SLC10A7: variants seen among roughly 807,000 people sequenced by gnomAD.
SLC10A7 encodes solute carrier family 10 member 7, also known as sodium/bile acid cotransporter 7.
A neutral mutation model predicts 43.2 loss-of-function variants in SLC10A7; 29 were observed. That is an observed-to-expected ratio of 0.67 (90% CI 0.50 to 0.92). The LOEUF is 0.92. Among genes scored for constraint, SLC10A7 ranks in the 40% least tolerant of loss-of-function variants. The pLI, the probability that SLC10A7 is intolerant of heterozygous loss-of-function variation, is 0.00. For missense variants in SLC10A7, 295 were observed against 403.2 expected (o/e 0.73, Z 2.30); for synonymous variants, 152 against 144.8 (o/e 1.05, Z -0.35).
chr4:146,469,649 T>C (rs1252250489), intron 4 of SLC10A7, among the ~76,000 whole-genome samples: 1 of 152,126 alleles, frequency 6.6e-6, no homozygotes, highest in African/African-American at 2.4e-5. Flanking sequence ...TTTATGTATT[T>C]ATTGGGTCTT....
At position 146,382,916 on chromosome 4, in the gene SLC10A7, G is replaced by T. The variant is rs149467777; in HGVS notation, c.436-56920C>A. On this transcript the variant is annotated intron_variant, in intron 5 of 11. Transcript: ENST00000335472. Reference sequence around the variant, plus strand: ...CTTGAGATAGAATTATATCAGTATTGGGGGTGGGGGGTGCAGAATATCATC... The same window carrying T: ...CTTGAGATAGAATTATATCAGTATTTGGGGTGGGGGGTGCAGAATATCATC... 4.2e-3 allele frequency among the ~76,000 whole-genome samples: 633 copies of T among 151,886 alleles called. 3 individuals are homozygous for T. Among genetic ancestry groups the T allele is most frequent in the African/African-American group, 0.014 (580 of 41,406 alleles).
At chr4:146,409,208 A>T (rs1727955487) in intron 5 of SLC10A7, among the ~76,000 whole-genome samples, 1 of 152,086 alleles carries the variant, frequency 6.6e-6, no homozygotes, top group Non-Finnish European at 1.5e-5. Flanking sequence ...AACATCAACC[A>T]GTGTTTCTCA....
At chr4:146,391,289 C>T (rs993533240) in intron 5 of SLC10A7, among the ~76,000 whole-genome samples, 1 of 152,122 alleles carries the variant, frequency 6.6e-6, no homozygotes. Context: ...GTGAACACTG[C>T]AAATGTGTTA....
chr4:146,318,686 C>T (rs1367404284), intron 6 of SLC10A7, among the ~76,000 whole-genome samples: 1 of 152,014 alleles, frequency 6.6e-6, no homozygotes, highest in Non-Finnish European at 1.5e-5. Context: ...CCATTGCTTA[C>T]CTGATGTCTC....
chr4:146,289,596 G>C (rs115316174), intron 9 of SLC10A7, among the ~76,000 whole-genome samples: 3,274 of 151,524 alleles, frequency 0.022, 111 homozygotes, highest in African/African-American at 0.075. Flanking sequence ...TCATTGGATA[G>C]CTGACTCTTG....
chr4:146,500,950 C>G (rs1736355062), intron 4 of SLC10A7, among the ~76,000 whole-genome samples: 1 of 152,196 alleles, frequency 6.6e-6, no homozygotes, highest in African/African-American at 2.4e-5. Context: ...ACACAGTGAA[C>G]CAGACCCTCC....
intron 4 of SLC10A7, among the ~76,000 whole-genome samples, chr4:146,496,906 G>A (rs986344455): frequency 6.6e-6 from 1 of 152,066 alleles, no homozygotes; most frequent in African/African-American, 2.4e-5. Flanking sequence ...ATTCTCTATG[G>A]TAGAAAACAG....
At chr4:146,467,975 G>T (rs181635453) in intron 4 of SLC10A7, among the ~76,000 whole-genome samples, 1 of 152,280 alleles carries the variant, frequency 6.6e-6, no homozygotes, top group Admixed American at 6.5e-5. Flanking sequence ...ATTAGAGAGA[G>T]GTAGGTGGGA....
intron 10 of SLC10A7, among the ~76,000 whole-genome samples, chr4:146,265,350 C>T (rs1458064720): frequency 1.3e-5 from 2 of 152,244 alleles, no homozygotes; most frequent in African/African-American, 4.8e-5. Context: ...ATTGCTATCA[C>T]TGGCTCAGGG....
chr4:146,501,343 C>T (rs1736393452), intron 4 of SLC10A7, among the ~76,000 whole-genome samples: 1 of 152,112 alleles, frequency 6.6e-6, no homozygotes, highest in South Asian at 2.1e-4. Context: ...TTGATCTTTA[C>T]CTATGTGGCT....
At chr4:146,444,361 C>T (rs1379483881) in intron 4 of SLC10A7, among the ~76,000 whole-genome samples, 1 of 152,138 alleles carries the variant, frequency 6.6e-6, no homozygotes, top group Non-Finnish European at 1.5e-5. Flanking sequence ...TCTTTCAAGT[C>T]CCTTTCACTA....
At chr4:146,441,357 C>G (rs1338555707) in intron 5 of SLC10A7, among the ~76,000 whole-genome samples, 2 of 152,140 alleles carry the variant, frequency 1.3e-5, no homozygotes, top group East Asian at 3.8e-4. Flanking sequence ...ATGTCTCAAA[C>G]TATATTTAAT....
intron 7 of SLC10A7, among the ~76,000 whole-genome samples, chr4:146,304,714 A>C (rs1324959978): frequency 6.6e-6 from 1 of 152,126 alleles, no homozygotes. Context: ...TGCTGAAAAA[A>C]ATGTATATTC....
rs146705447 is a variant in SLC10A7 at position 146,284,456 on chromosome 4, G to A, written c.774-1191C>T. On this transcript the variant is annotated intron_variant, in intron 9 of 11. Transcript: ENST00000335472. Reference sequence around the variant, plus strand: ...GAGAGAAGAGTCCCCTCAACTCCCCGCCGGGTTCCCCCATCACCCCACCCT... The same window carrying A: ...GAGAGAAGAGTCCCCTCAACTCCCCACCGGGTTCCCCCATCACCCCACCCT... Among the ~76,000 whole-genome samples the A allele has an allele frequency of 3.9e-3, 599 of 152,064 alleles. 4 individuals carry two copies. Among genetic ancestry groups the A allele is most frequent in the African/African-American group, 0.013 (544 of 41,502 alleles).
chr4:146,291,888 T>C (rs1436753065), intron 9 of SLC10A7, among the ~76,000 whole-genome samples: 3 of 152,210 alleles, frequency 2.0e-5, no homozygotes, highest in Non-Finnish European at 4.4e-5. Flanking sequence ...TCACCTCTTA[T>C]TTGTGGCATT....
At chr4:146,350,634 CTGACAGCTT>C (rs1327289509) in intron 5 of SLC10A7, among the ~76,000 whole-genome samples, 1 of 125,698 alleles carries the variant, frequency 8.0e-6, no homozygotes, top group East Asian at 2.1e-4. Context: ...GTGTCCCTGT[CTGACAGCTT>C]TGAAGAGAGC....
chr4:146,312,529 A>G (rs1326320235), intron 6 of SLC10A7, among the ~76,000 whole-genome samples: 1 of 152,094 alleles, frequency 6.6e-6, no homozygotes, highest in Non-Finnish European at 1.5e-5. Context: ...GGTGTCCAGA[A>G]CTTACTGGCT....
At chr4:146,459,383 A>T (rs1450767427) in intron 4 of SLC10A7, among the ~76,000 whole-genome samples, 1 of 151,762 alleles carries the variant, frequency 6.6e-6, no homozygotes, top group Non-Finnish European at 1.5e-5. Context: ...TATTCAGGGA[A>T]TTATTCTTAG....
chr4:146,399,642 C>T (rs1047981085), intron 5 of SLC10A7, among the ~76,000 whole-genome samples: 2 of 151,962 alleles, frequency 1.3e-5, no homozygotes, highest in Non-Finnish European at 2.9e-5. Flanking sequence ...AAAATAGATC[C>T]GATAGCATTT....
Sources: gnomAD v4.1 joint callset for allele counts (sites outside exome capture counted in the v4.1 genomes callset) on GRCh38, gnomAD v4.1.1 for gene constraint, MANE v1.5 for transcripts, NCBI Gene and HGNC (gene_info 2026-07-23, HGNC 2026-07-21) for gene names.